The following CCDC7 variants were observed in gnomAD, a reference collection of about 807,000 sequenced individuals.
CCDC7 encodes coiled-coil domain-containing protein 7.
Under a neutral mutation model 196.9 loss-of-function variants are expected in CCDC7, and 183 were observed. The observed-to-expected ratio is 0.93, with a 90% confidence interval of 0.82 to 1.05. The LOEUF (loss-of-function observed/expected upper bound fraction) is 1.05, where lower values mean the gene tolerates loss of function less well. CCDC7 is among the 50% of genes least tolerant of loss of function. The pLI, the probability that CCDC7 is intolerant of heterozygous loss-of-function variation, is 0.00. For missense variants in CCDC7, 1,540 were observed against 1,482.2 expected (o/e 1.04, Z -0.64); for synonymous variants, 525 against 484.6 (o/e 1.08, Z -1.10).
intron 2 of CCDC7, among the ~76,000 whole-genome samples, chr10:32,455,018 G>T (rs1270862309): frequency 2.0e-5 from 3 of 152,082 alleles, no homozygotes; most frequent in African/African-American, 7.2e-5. Context: ...CTCTTGCCCT[G>T]TTCTGCTTTA....
exon 27 of CCDC7, chr10:32,728,957 A>C: frequency 6.2e-7 from 1 of 1,608,102 alleles, no homozygotes; most frequent in Non-Finnish European, 8.5e-7. Context: ...TCCAAATGCA[A>C]GAAAAGAAAC....
At chr10:32,555,196 T>C (rs2054155160) in intron 13 of CCDC7, among the ~76,000 whole-genome samples, 1 of 152,208 alleles carries the variant, frequency 6.6e-6, no homozygotes, top group African/African-American at 2.4e-5. Flanking sequence ...ATTTCCTTTT[T>C]TTGTACATAC....
chr10:32,443,502 G>A (rs1270366218), upstream of CCDC7, among the ~76,000 whole-genome samples: 6 of 152,138 alleles, frequency 3.9e-5, no homozygotes, highest in Admixed American at 2.6e-4. Context: ...GGTATGGCAC[G>A]AGGCAGGGGT....
chr10:32,450,728 G>A (rs571303759), upstream of CCDC7, among the ~76,000 whole-genome samples: 2 of 152,196 alleles, frequency 1.3e-5, no homozygotes, highest in East Asian at 3.9e-4. Context: ...GATACCTTGG[G>A]CCAAGGCTAC....
At chr10:32,620,838 G>A (rs569668671) in intron 18 of CCDC7, among the ~76,000 whole-genome samples, 107 of 152,270 alleles carry the variant, frequency 7.0e-4, no homozygotes, top group African/African-American at 2.4e-3. Context: ...ACTTTCAGCA[G>A]TGCAACTTAA....
chr10:32,770,200 G>A (rs1030005217), intron 28 of CCDC7, among the ~76,000 whole-genome samples: 3 of 152,118 alleles, frequency 2.0e-5, no homozygotes, highest in Admixed American at 6.6e-5. Flanking sequence ...TCCTTCAGGA[G>A]CAACGTTGGG....
intron 23 of CCDC7, among the ~76,000 whole-genome samples, chr10:32,691,642 T>A (rs1236807925): frequency 6.6e-6 from 1 of 152,230 alleles, no homozygotes; most frequent in Non-Finnish European, 1.5e-5. Context: ...CTGTCCTCAC[T>A]CCATCAGTGA....
intron 31 of CCDC7, among the ~76,000 whole-genome samples, chr10:32,823,148 C>CTT (rs61638737): frequency 2.1e-5 from 3 of 143,494 alleles, no homozygotes; most frequent in Non-Finnish European, 3.1e-5. Flanking sequence ...CAATATGATG[C>CTT]TTTTTTTTTT....
intron 24 of CCDC7, 49 bp downstream of exon 25, chr10:32,695,041 T>G: frequency 1.0e-6 from 1 of 985,926 alleles, no homozygotes; most frequent in Non-Finnish European, 1.5e-6. Context: ...GTTAATCTCA[T>G]TAGATCATTT....
intron 32 of CCDC7, among the ~76,000 whole-genome samples, chr10:32,831,071 G>T (rs1430032887): frequency 6.6e-6 from 1 of 152,112 alleles, no homozygotes; most frequent in Non-Finnish European, 1.5e-5. Context: ...AACCTAGGTG[G>T]TATAGCTTTC....
intron 18 of CCDC7, among the ~76,000 whole-genome samples, chr10:32,603,585 C>CTTTTTTTTTTTTTTTTTT: frequency 7.0e-6 from 1 of 142,858 alleles, no homozygotes; most frequent in Non-Finnish European, 1.5e-5. Flanking sequence ...TGTGATAGTT[C>CTTTTTTTTTTTTTTTTTT]TTTTTTTTTT....
chr10:32,675,773 A>T (rs1014258342), intron 21 of CCDC7: 3 of 152,170 alleles, frequency 2.0e-5, no homozygotes, highest in South Asian at 2.1e-4. Flanking sequence ...TGCTCATGGG[A>T]AGGAAGAATC....
intron 28 of CCDC7, among the ~76,000 whole-genome samples, chr10:32,747,286 C>A (rs1398401240): frequency 6.6e-6 from 1 of 152,202 alleles, no homozygotes; most frequent in Admixed American, 6.5e-5. Flanking sequence ...CTAGGAAATA[C>A]CCTTCTGGAC....
rs1443649120 is a variant in CCDC7 at position 32,729,005 on chromosome 10, T to C, written c.2779+8T>C. The stretch of plus-strand genomic sequence containing the variant: ...GAGTGGAAAGACACAAGAGTGAGTA[T>C]AATAATTATCGATAACTTTAAATTA... On this transcript the variant is annotated splice_region_variant and intron_variant, in intron 27 of 41. Coordinates refer to ENST00000639629, the Ensembl canonical transcript of CCDC7. 2 of 1,519,958 alleles carry C rather than the reference T, an allele frequency of 1.3e-6. No individual in the cohort carries two copies. The highest frequency in any genetic ancestry group is 2.3e-5 in the South Asian group (2 of 86,776). 94.2% of individuals were successfully genotyped at this position (1,519,958 alleles called of 1,614,324 possible).
At chr10:32,714,365 T>C (rs1177094173) in intron 25 of CCDC7, among the ~76,000 whole-genome samples, 1 of 152,202 alleles carries the variant, frequency 6.6e-6, no homozygotes, top group African/African-American at 2.4e-5. Context: ...CAGTGCCATC[T>C]GGCCCAGATA....
intron 16 of CCDC7, among the ~76,000 whole-genome samples, chr10:32,578,217 C>A (rs1268706554): frequency 1.3e-5 from 2 of 151,232 alleles, no homozygotes; most frequent in African/African-American, 4.8e-5. Flanking sequence ...CACTACCTAA[C>A]AAGGAAAATC....
At chr10:32,460,775 A>AC (rs2035464266) in intron 3 of CCDC7, among the ~76,000 whole-genome samples, 1 of 152,164 alleles carries the variant, frequency 6.6e-6, no homozygotes, top group Non-Finnish European at 1.5e-5. Context: ...TAGCATGCAA[A>AC]GCAATCACCT....
intron 21 of CCDC7, among the ~76,000 whole-genome samples, chr10:32,681,688 A>G (rs2075867274): frequency 6.6e-6 from 1 of 151,620 alleles, no homozygotes; most frequent in Non-Finnish European, 1.5e-5. Context: ...GAAAGATCAC[A>G]CAAAAGCAGG....
At chr10:32,510,891 G>A (rs2046007738) in intron 9 of CCDC7, among the ~76,000 whole-genome samples, 1 of 151,646 alleles carries the variant, frequency 6.6e-6, no homozygotes, top group African/African-American at 2.4e-5. Context: ...GTCATTTCAT[G>A]CTTTCTTAAT....
Sources: allele counts gnomAD v4.1 joint callset (sites outside exome capture counted in the v4.1 genomes callset), GRCh38; gene constraint gnomAD v4.1.1; transcripts MANE v1.5; gene names NCBI Gene and HGNC (gene_info 2026-07-23, HGNC 2026-07-21).